Variants in TMEM72 observed in about 807,000 individuals in gnomAD.
The protein encoded by TMEM72 is kidney-specific secretory protein of 37 kDa.
A neutral mutation model predicts 16.3 loss-of-function variants in TMEM72; 9 were observed. The ratio of observed to expected loss-of-function variants is 0.55; its 90% CI spans 0.33 to 0.96. TMEM72 has a LOEUF of 0.96. TMEM72 is among the 40% of genes least tolerant of loss of function. The probability of loss-of-function intolerance (pLI) is 0.03; values close to 1 mark genes in which losing one functional copy is unlikely to be tolerated. For synonymous variants in TMEM72, 160 were observed against 146.5 expected (o/e 1.09, Z -0.66); for missense variants, 324 against 337.8 (o/e 0.96, Z 0.32).
At chr10:44,925,890 TACTCACATAC>T (rs1265724525) in intron 1 of TMEM72, among the ~76,000 whole-genome samples, 2 of 152,018 alleles carry the variant, frequency 1.3e-5, no homozygotes, top group East Asian at 3.9e-4. Flanking sequence ...ATCACACATA[TACTCACATAC>T]ACTCACATAT....
At position 44,935,099 on chromosome 10, in the gene TMEM72, T is replaced by C. The variant is rs1840377825; in HGVS notation, c.793T>C (p.Phe265Leu). 6.2e-7 allele frequency: 1 copy of C among 1,606,954 alleles called. No homozygotes were observed. The highest frequency in any genetic ancestry group is 1.3e-5 in the African/African-American group (1 of 74,824). The change falls in exon 5 of 5, where the codon TTC (phenylalanine) becomes CTC (leucine). Residue 265 changes from phenylalanine (F) to leucine (L), a missense_variant. Transcript: ENST00000389583. The part of the protein sequence containing the change: ...PIIPPPQAPL[F>L]LSSLTATGLF ...CATTCCCCCTCCCCAGGCCCCACTCTTCCTGTCATCTCTTACAGCCACCGG... is the reference window on the plus strand; with the variant it reads ...CATTCCCCCTCCCCAGGCCCCACTCCTCCTGTCATCTCTTACAGCCACCGG...
intron 1 of TMEM72, among the ~76,000 whole-genome samples, chr10:44,913,488 G>A (rs529094269): frequency 1.1e-3 from 164 of 152,202 alleles, no homozygotes; most frequent in African/African-American, 3.3e-3. Context: ...AAACCCGTGC[G>A]CGCGCACATA....
At position 44,911,465 on chromosome 10, in the gene TMEM72, A is replaced by G. The variant is rs1839936115; in HGVS notation, c.-48A>G. On this transcript the variant is annotated 5_prime_UTR_variant, in exon 1 of 5. Transcript: ENST00000389583. Reference sequence around the variant, plus strand: ...GTGTTCGGGAGCATCTCAGGGCCGAAGACTTTGCTGCCTGCCCTGCCAGGA... The same window carrying G: ...GTGTTCGGGAGCATCTCAGGGCCGAGGACTTTGCTGCCTGCCCTGCCAGGA... 1 of 1,541,608 alleles carries G rather than the reference A, an allele frequency of 6.5e-7. No individual in the cohort carries two copies. The highest frequency in any genetic ancestry group is 2.0e-5 in the Admixed American group (1 of 50,918).
intron 4 of TMEM72, among the ~76,000 whole-genome samples, chr10:44,934,119 T>G (rs1840352459): frequency 6.6e-6 from 1 of 152,092 alleles, no homozygotes; most frequent in Admixed American, 6.6e-5. Context: ...CTTCTGAATC[T>G]CCCCAGTGCC....
In TMEM72 at chr10:44,936,706, A is replaced by T. The variant is rs1840406621; in HGVS notation, c.*1572A>T. 6.6e-6 allele frequency: 1 copy of T among 152,280 alleles called. No individual in the cohort carries two copies. The highest frequency in any genetic ancestry group is 2.4e-5 in the African/African-American group (1 of 41,462). 9.4% of individuals were successfully genotyped at this position (152,280 alleles called of 1,614,324 possible). Reference sequence around the variant, plus strand: ...TGGGATATGGGTATAGGTAGGTGGTAGACAAGGATCGTGCCCCATGGCTGA... The same window carrying T: ...TGGGATATGGGTATAGGTAGGTGGTTGACAAGGATCGTGCCCCATGGCTGA... On this transcript the variant is annotated 3_prime_UTR_variant, in exon 5 of 5. Coordinates refer to ENST00000389583, the MANE Select transcript of TMEM72 (RefSeq NM_001123376.3).
At chr10:44,913,246 G>C (rs1472121830) in intron 1 of TMEM72, among the ~76,000 whole-genome samples, 1 of 152,094 alleles carries the variant, frequency 6.6e-6, no homozygotes, top group African/African-American at 2.4e-5. Context: ...CTCCCTCTAG[G>C]CTTTGGTTTC....
In TMEM72 at chr10:44,934,796, G is replaced by A. The variant is rs760016129; in HGVS notation, c.490G>A (p.Asp164Asn). Residue 164 changes from aspartate to asparagine, a missense_variant, in exon 5 of 5, where the codon GAC becomes AAC. Coordinates refer to ENST00000389583, the MANE Select transcript of TMEM72 (RefSeq NM_001123376.3). ...SSAVSTTGSG[D>N]TEQTYTFHGA... ...CGCTGTGAGCACCACCGGCTCTGGG[G>A]ACACAGAGCAAACCTACACTTTCCA... The A allele has an allele frequency of 1.2e-6, 2 of 1,613,498 alleles. No homozygotes were observed. Among genetic ancestry groups the A allele is most frequent in the Non-Finnish European group, 1.7e-6 (2 of 1,179,990 alleles).
At chr10:44,928,522 C>A (rs900509966) in intron 2 of TMEM72, among the ~76,000 whole-genome samples, 2 of 151,556 alleles carry the variant, frequency 1.3e-5, no homozygotes, top group African/African-American at 4.9e-5. Flanking sequence ...ATACACACAC[C>A]CATTCACCCA....
At chr10:44,933,951 A>G (rs1221232997) in intron 4 of TMEM72, among the ~76,000 whole-genome samples, 175 bp downstream of exon 4, 1 of 152,156 alleles carries the variant, frequency 6.6e-6, no homozygotes, top group East Asian at 1.9e-4. Context: ...GACATACTCC[A>G]TGCTGATCAA....
intron 1 of TMEM72, among the ~76,000 whole-genome samples, chr10:44,912,834 T>A (rs1051585492): frequency 6.6e-6 from 1 of 152,130 alleles, no homozygotes; most frequent in African/African-American, 2.4e-5. Context: ...ATCTAGGCCA[T>A]GAGTTAGATC....
chr10:44,913,943 C>T (rs1839975855), intron 1 of TMEM72, among the ~76,000 whole-genome samples: 1 of 152,202 alleles, frequency 6.6e-6, no homozygotes, highest in African/African-American at 2.4e-5. Context: ...GCTAGGAAGA[C>T]ATGTGACCCA....
intron 1 of TMEM72, among the ~76,000 whole-genome samples, chr10:44,915,360 C>T (rs971591214): frequency 6.6e-6 from 1 of 151,522 alleles, no homozygotes; most frequent in Non-Finnish European, 1.5e-5. Flanking sequence ...ATTTCATCCT[C>T]CTGTCATTGG....
At position 44,933,753 on chromosome 10, in the gene TMEM72, T is replaced by C; in HGVS notation, c.326T>C (p.Leu109Pro). The C allele has an allele frequency of 6.2e-7, 1 of 1,614,018 alleles. No homozygotes were observed. Among genetic ancestry groups the C allele is most frequent in the Non-Finnish European group, 8.5e-7 (1 of 1,179,938 alleles). ...GTGGCCTGCTTCCTCCACCCGGTCC[T>C]GGTCTGGCACGTGACCATCCCAGGT... The part of the protein sequence containing the change: ...LSVACFLHPV[L>P]VWHVTIPGSM... Residue 109 changes from leucine to proline, a missense_variant, in exon 4 of 5, where the codon CTG becomes CCG. Transcript: ENST00000389583.
At chr10:44,913,446 G>A (rs1489381414) in intron 1 of TMEM72, among the ~76,000 whole-genome samples, 1 of 148,296 alleles carries the variant, frequency 6.7e-6, no homozygotes, top group Non-Finnish European at 1.5e-5. Flanking sequence ...ACACTCCCAT[G>A]TGCACGCACA....
Position 44,935,145 on chromosome 10 carries a change from C to T in TMEM72, c.*11C>T. The T allele has an allele frequency of 6.4e-7, 1 of 1,556,572 alleles. No homozygotes were observed. The highest frequency in any genetic ancestry group is 8.7e-7 in the Non-Finnish European group (1 of 1,151,572). On this transcript the variant is annotated 3_prime_UTR_variant, in exon 5 of 5. Transcript: ENST00000389583. Reference sequence around the variant, plus strand: ...ACCGGCCTGTTCTGAGCGCTTGCTCCAGCCTGGAGGACGCTCAGTGAGGGG... The same window carrying T: ...ACCGGCCTGTTCTGAGCGCTTGCTCTAGCCTGGAGGACGCTCAGTGAGGGG...
At chr10:44,922,605 G>T (rs563614103) in intron 1 of TMEM72, among the ~76,000 whole-genome samples, 4 of 152,306 alleles carry the variant, frequency 2.6e-5, no homozygotes, top group African/African-American at 9.6e-5. Flanking sequence ...CCTGCAGCAA[G>T]GAATCTCACT....
chr10:44,932,145 C>T (rs1589048739), intron 3 of TMEM72, 76 bp downstream of exon 3: 2 of 1,505,240 alleles, frequency 1.3e-6, no homozygotes, highest in East Asian at 4.7e-5. Flanking sequence ...CCCAAGAGCC[C>T]ACAACCAGGG....
chr10:44,911,618 A>G, intron 1 of TMEM72, 36 bp downstream of exon 1: 1 of 1,546,538 alleles, frequency 6.5e-7, no homozygotes, highest in Non-Finnish European at 8.7e-7. Context: ...ATCCTTGCAC[A>G]CTGGCACCAC....
chr10:44,921,746 G>A (rs141525287), intron 1 of TMEM72, among the ~76,000 whole-genome samples: 220 of 152,302 alleles, frequency 1.4e-3, no homozygotes, highest in African/African-American at 3.9e-3. Flanking sequence ...AGGCCAGAGC[G>A]CAGGCTAAAT....
Sources: gnomAD v4.1 joint callset for allele counts (sites outside exome capture counted in the v4.1 genomes callset) on GRCh38, gnomAD v4.1.1 for gene constraint, MANE v1.5 for transcripts, NCBI Gene and HGNC (gene_info 2026-07-23, HGNC 2026-07-21) for gene names.